Variants in NOL10 observed in about 807,000 individuals in gnomAD.
NOL10 encodes H_NH0074G24.1.
Under a neutral mutation model 103.5 loss-of-function variants are expected in NOL10, and 58 were observed. That is an observed-to-expected ratio of 0.56 (90% CI 0.45 to 0.70). The LOEUF (loss-of-function observed/expected upper bound fraction) is 0.70, where lower values mean the gene tolerates loss of function less well. Among genes scored for constraint, NOL10 ranks in the 30% least tolerant of loss-of-function variants. The probability of loss-of-function intolerance (pLI) is 0.00; values close to 1 mark genes in which losing one functional copy is unlikely to be tolerated. For missense variants in NOL10, 763 were observed against 807.3 expected (o/e 0.95, Z 0.67); for synonymous variants, 287 against 282.5 (o/e 1.02, Z -0.16).
chr2:10,636,061 G>A (rs1228251397), intron 13 of NOL10, among the ~76,000 whole-genome samples: 1 of 151,908 alleles, frequency 6.6e-6, no homozygotes, highest in East Asian at 1.9e-4. Flanking sequence ...CTATTTTTTT[G>A]TATTTTAGTA....
At chr2:10,643,432 T>C (rs1572360453) in intron 13 of NOL10, among the ~76,000 whole-genome samples, 1 of 152,226 alleles carries the variant, frequency 6.6e-6, no homozygotes, top group East Asian at 1.9e-4. Flanking sequence ...CTGCTGAGTA[T>C]AAAGTAATCT....
At chr2:10,676,110 A>C (rs559783690) in intron 3 of NOL10, among the ~76,000 whole-genome samples, 9 of 152,362 alleles carry the variant, frequency 5.9e-5, no homozygotes, top group African/African-American at 2.2e-4. Flanking sequence ...AATCTAACAA[A>C]ATACATGCAA....
At position 10,682,079 on chromosome 2, in the gene NOL10, G is replaced by C. The variant is rs1340277041; in HGVS notation, c.113-10C>G. 1 of 1,371,866 alleles carries C rather than the reference G, an allele frequency of 7.3e-7. No homozygotes were observed. 85.0% of individuals were successfully genotyped at this position (1,371,866 alleles called of 1,614,324 possible). A position where few individuals can be genotyped will look rare whatever the true frequency, so the allele number is the denominator to read the frequency against. ...ATTCTCCTACGGACATCTAAAAAGA[G>C]AGAAAAAAACAACTAGTTTAACTAA... On this transcript the variant is annotated splice_polypyrimidine_tract_variant and intron_variant, in intron 2 of 20. Transcript: ENST00000381685.
chr2:10,592,020 AAACAAAC>A (rs1675417007), intron 17 of NOL10, among the ~76,000 whole-genome samples: 20 of 147,472 alleles, frequency 1.4e-4, no homozygotes, highest in South Asian at 1.3e-3. Context: ...ACAAACAAAC[AAACAAAC>A]CAACCCAAAA....
chr2:10,661,935 A>G (rs1680235512), intron 9 of NOL10, among the ~76,000 whole-genome samples: 1 of 151,984 alleles, frequency 6.6e-6, no homozygotes. Flanking sequence ...TAGTTTTTAC[A>G]TTCTGGAATA....
intron 12 of NOL10, among the ~76,000 whole-genome samples, chr2:10,647,836 A>G (rs1374658082): frequency 6.6e-6 from 1 of 152,252 alleles, no homozygotes; most frequent in African/African-American, 2.4e-5. Flanking sequence ...GGTAGTCTTC[A>G]ACAGCCCTGT....
intron 14 of NOL10, chr2:10,604,621 CTACATTATAAAA>C (rs1455742346): frequency 6.6e-6 from 1 of 152,148 alleles, no homozygotes; most frequent in Non-Finnish European, 1.5e-5. Flanking sequence ...TGATTAACCA[CTACATTATAAAA>C]TACATATACC....
chr2:10,663,911 A>G (rs1680387746), intron 8 of NOL10, among the ~76,000 whole-genome samples: 1 of 150,708 alleles, frequency 6.6e-6, no homozygotes, highest in Non-Finnish European at 1.5e-5. Flanking sequence ...AGATCGCACC[A>G]CTGCACTCCA....
chr2:10,617,276 C>G lies in NOL10; in HGVS notation c.1027-9965G>C, dbSNP rs182151397. Among the ~76,000 whole-genome samples the G allele has an allele frequency of 1.9e-3, 291 of 152,252 alleles. 2 individuals carry two copies. Among genetic ancestry groups the G allele is most frequent in the African/African-American group, 6.7e-3 (280 of 41,536 alleles). On this transcript the variant is annotated intron_variant, in intron 13 of 20. Transcript: ENST00000381685. ...GTTTGTGGATCAGTAAAAAGACCAG[C>G]CCAGTGTGGCTTGAATAGAGAGAGC...
chr2:10,588,334 G>A (rs779473040), intron 19 of NOL10, among the ~76,000 whole-genome samples: 75 of 152,206 alleles, frequency 4.9e-4, no homozygotes, highest in Non-Finnish European at 7.8e-4. Context: ...ACTATTTCCA[G>A]AACATTTTCA....
intron 20 of NOL10, among the ~76,000 whole-genome samples, chr2:10,572,979 G>A (rs890203297): frequency 6.6e-6 from 1 of 151,632 alleles, no homozygotes; most frequent in Non-Finnish European, 1.5e-5. Context: ...CATCAGTGCA[G>A]AATCCACAAC....
chr2:10,689,017 T>C (rs1377723431), intron 1 of NOL10, among the ~76,000 whole-genome samples: 1 of 152,196 alleles, frequency 6.6e-6, no homozygotes, highest in African/African-American at 2.4e-5. Context: ...AACCACTTTC[T>C]AACAAGTGCA....
At chr2:10,670,764 A>C (rs1478599881) in intron 6 of NOL10, among the ~76,000 whole-genome samples, 4 of 152,152 alleles carry the variant, frequency 2.6e-5, no homozygotes, top group Admixed American at 2.6e-4. Context: ...AACAAACAAA[A>C]AAAACAGAAA....
chr2:10,642,609 C>T (rs1024475254), intron 13 of NOL10, among the ~76,000 whole-genome samples: 12 of 152,154 alleles, frequency 7.9e-5, no homozygotes, highest in East Asian at 3.9e-4. Context: ...TACTTGCTCC[C>T]GCAGCTCTGC....
chr2:10,688,254 C>T (rs1475420670), intron 1 of NOL10, among the ~76,000 whole-genome samples: 1 of 152,208 alleles, frequency 6.6e-6, no homozygotes, highest in Non-Finnish European at 1.5e-5. Context: ...CCCTCCCCAG[C>T]TAGACATTTG....
chr2:10,645,881 T>A (rs1312045760), intron 12 of NOL10, among the ~76,000 whole-genome samples: 6 of 151,670 alleles, frequency 4.0e-5, no homozygotes, highest in Admixed American at 3.3e-4. Context: ...AAGTGTGAGC[T>A]AGCCCTGAAC....
chr2:10,673,875 T>C (rs1380946070), intron 4 of NOL10, among the ~76,000 whole-genome samples: 3 of 152,104 alleles, frequency 2.0e-5, no homozygotes, highest in Non-Finnish European at 2.9e-5. Context: ...CTTTCAAATA[T>C]ACATTAAAGA....
chr2:10,640,671 T>G (rs1678638709), intron 13 of NOL10, among the ~76,000 whole-genome samples: 1 of 152,130 alleles, frequency 6.6e-6, no homozygotes, highest in Non-Finnish European at 1.5e-5. Context: ...CCCCTCATAC[T>G]CATGCTAATT....
intron 19 of NOL10, among the ~76,000 whole-genome samples, chr2:10,580,072 C>T (rs2148145241): frequency 6.6e-6 from 1 of 152,324 alleles, no homozygotes; most frequent in African/African-American, 2.4e-5. Context: ...AGACAGAGAC[C>T]GTGTGTGGAG....
Sources: allele counts gnomAD v4.1 joint callset (sites outside exome capture counted in the v4.1 genomes callset), GRCh38; gene constraint gnomAD v4.1.1; transcripts MANE v1.5; gene names NCBI Gene and HGNC (gene_info 2026-07-23, HGNC 2026-07-21).